The following ADAM2 variants were observed in gnomAD, a reference collection of about 807,000 sequenced individuals.
ADAM2 encodes the protein disintegrin and metalloproteinase domain-containing protein 2.
In ADAM2, 101 loss-of-function variants were observed where a neutral mutation model predicts 99.3. The ratio of observed to expected loss-of-function variants is 1.02; its 90% confidence interval spans 0.87 to 1.20. The LOEUF is 1.20. ADAM2 is among the 50% of genes most tolerant of loss of function. The pLI, the probability that ADAM2 is intolerant of heterozygous loss-of-function variation, is 0.00. For synonymous variants in ADAM2, 323 were observed against 287.6 expected, an observed-to-expected ratio of 1.12 and a Z score of -1.25; for missense variants, 948 against 878.7, an observed-to-expected ratio of 1.08 and a Z score of -1.00.
intron 15 of ADAM2, 92 bp downstream of exon 15, chr8:39,761,084 G>A: frequency 1.6e-6 from 1 of 640,854 alleles, no homozygotes; most frequent in Non-Finnish European, 2.5e-6. Flanking sequence ...ATGTTCAGGG[G>A]ATATTTTGCT....
chr8:39,838,176 C>T lies in ADAM2; in HGVS notation c.10G>A (p.Val4Ile), dbSNP rs769082387. Reference protein sequence around the residue: MWRVLFLLSGLGGL... With the variant: MWRILFLLSGLGGL... ...CCGAGCCCGCTGAGCAGAAACAAGA[C>T]GCGCCACATGGCTTGAAGTCCTGGG... is the stretch of plus-strand genomic sequence containing the variant. The change falls in exon 1 of 21, where the codon GTC becomes ATC. Residue 4 changes from valine to isoleucine, a missense_variant. Physicochemically the swap from Val to Ile is conservative, Grantham distance 29. Coordinates refer to ENST00000265708, the MANE Select transcript of ADAM2 (RefSeq NM_001464.5). 8 of 1,614,018 alleles carry T rather than the reference C, an allele frequency of 5.0e-6. No homozygotes were observed. Among genetic ancestry groups the T allele is most frequent in the African/African-American group, 1.3e-5 (1 of 74,910 alleles).
intron 12 of ADAM2, among the ~76,000 whole-genome samples, chr8:39,768,404 T>C (rs1307015794): frequency 6.6e-6 from 1 of 152,180 alleles, no homozygotes; most frequent in Non-Finnish European, 1.5e-5. Context: ...TACCATTCAC[T>C]ATGAGTTTCA....
At chr8:39,821,519 T>C in intron 5 of ADAM2, 67 bp downstream of exon 5, 1 of 1,244,444 alleles carries the variant, frequency 8.0e-7, no homozygotes, top group Non-Finnish European at 1.1e-6. Flanking sequence ...AATATTATGT[T>C]AAAATGTTTA....
chr8:39,837,625 T>G (rs982490409), intron 1 of ADAM2, among the ~76,000 whole-genome samples: 2 of 152,164 alleles, frequency 1.3e-5, no homozygotes, highest in Non-Finnish European at 2.9e-5. Flanking sequence ...GACCTCGTGA[T>G]ACGCCTTCCT....
chr8:39,838,182 A>G lies in ADAM2; in HGVS notation c.4T>C (p.Trp2Arg). 6.2e-7 allele frequency: 1 copy of G among 1,614,142 alleles called. No homozygotes were observed. The highest frequency in any genetic ancestry group is 8.5e-7 in the Non-Finnish European group (1 of 1,180,026). Residue 2 changes from tryptophan (W) to arginine (R), a missense_variant, in exon 1 of 21, where the codon TGG becomes CGG. Transcript: ENST00000265708. ...CCGCTGAGCAGAAACAAGACGCGCCACATGGCTTGAAGTCCTGGGTCCCAG... is the reference window on the plus strand; with the variant it reads ...CCGCTGAGCAGAAACAAGACGCGCCGCATGGCTTGAAGTCCTGGGTCCCAG... M[W>R]RVLFLLSGLG...
chr8:39,755,638 C>T, intron 16 of ADAM2, 90 bp downstream of exon 16: 1 of 944,444 alleles, frequency 1.1e-6, no homozygotes, highest in Non-Finnish European at 1.6e-6. Flanking sequence ...CACACCACTG[C>T]ACTCTAGCCA....
intron 14 of ADAM2, among the ~76,000 whole-genome samples, chr8:39,766,017 A>G (rs1008220664): frequency 1.9e-4 from 29 of 152,178 alleles, no homozygotes; most frequent in African/African-American, 7.0e-4. Flanking sequence ...AATTTTGTAT[A>G]TAGTTTGCAC....
At chr8:39,815,020 T>G (rs1030069910) in intron 6 of ADAM2, among the ~76,000 whole-genome samples, 6 of 151,938 alleles carry the variant, frequency 3.9e-5, no homozygotes, top group Non-Finnish European at 1.5e-5. Context: ...TTCTAGGGAA[T>G]TTTTACTTTC....
chr8:39,784,396 G>C (rs1401718860), intron 10 of ADAM2, among the ~76,000 whole-genome samples: 1 of 152,034 alleles, frequency 6.6e-6, no homozygotes, highest in Non-Finnish European at 1.5e-5. Context: ...TGTTGTGATT[G>C]TTGAGATGGA....
intron 7 of ADAM2, among the ~76,000 whole-genome samples, chr8:39,795,006 T>C (rs1249506840): frequency 6.6e-6 from 1 of 152,132 alleles, no homozygotes; most frequent in Non-Finnish European, 1.5e-5. Context: ...AATAATTCAA[T>C]GATGAATAGC....
chr8:39,782,570 G>C (rs1229630936), intron 10 of ADAM2, among the ~76,000 whole-genome samples: 1 of 151,950 alleles, frequency 6.6e-6, no homozygotes, highest in Non-Finnish European at 1.5e-5. Context: ...CTATGCCAAT[G>C]GTTCAATGGT....
At chr8:39,822,539 G>A (rs985708057) in intron 4 of ADAM2, among the ~76,000 whole-genome samples, 6 of 148,236 alleles carry the variant, frequency 4.0e-5, no homozygotes, top group African/African-American at 1.3e-4. Context: ...ATATCTTCTT[G>A]TTCAATATTA....
chr8:39,810,339 A>T (rs1804642342), intron 6 of ADAM2, among the ~76,000 whole-genome samples: 1 of 152,184 alleles, frequency 6.6e-6, no homozygotes, highest in Non-Finnish European at 1.5e-5. Flanking sequence ...ATAATGGGCG[A>T]CTTTAACACC....
At chr8:39,769,125 A>G (rs1802679212) in intron 12 of ADAM2, among the ~76,000 whole-genome samples, 1 of 152,232 alleles carries the variant, frequency 6.6e-6, no homozygotes, top group Admixed American at 6.5e-5. Context: ...ACAATTTAAA[A>G]TTGTCAGCTA....
At chr8:39,746,701 A>C (rs1823480808) in intron 18 of ADAM2, 70 bp from the exon 19 acceptor site, 1 of 1,185,256 alleles carries the variant, frequency 8.4e-7, no homozygotes, top group Non-Finnish European at 1.2e-6. Flanking sequence ...TCTGTATTTT[A>C]CTACGTCTAC....
chr8:39,836,997 G>C lies in ADAM2; in HGVS notation c.132+139C>G, dbSNP rs1805850355. The C allele has an allele frequency of 8.4e-6, 5 of 593,414 alleles. No individual in the cohort carries two copies. The South Asian group carries it at 1.3e-4, about 15-fold the overall frequency. The allele number at this position is 593,414 out of a possible 1,614,324, so 36.8% of individuals were successfully genotyped here. On this transcript the variant is annotated intron_variant, in intron 2 of 20. Transcript: ENST00000265708. Reference sequence around the variant, plus strand: ...TGTTGATCCTGGTTCATTTTCAAAAGGGCTTTTCCATTCAGGGAAAATTTG... The same window carrying C: ...TGTTGATCCTGGTTCATTTTCAAAACGGCTTTTCCATTCAGGGAAAATTTG...
At chr8:39,791,608 A>G (rs1469698123) in intron 7 of ADAM2, among the ~76,000 whole-genome samples, 4 of 151,928 alleles carry the variant, frequency 2.6e-5, no homozygotes, top group Non-Finnish European at 4.4e-5. Flanking sequence ...TTCCTCTTGA[A>G]TTTCAGCTGT....
chr8:39,810,384 A>C (rs956747071), intron 6 of ADAM2, among the ~76,000 whole-genome samples: 34 of 152,314 alleles, frequency 2.2e-4, no homozygotes, highest in African/African-American at 8.2e-4. Flanking sequence ...AAGAGACAGA[A>C]CGTTAACAAG....
At chr8:39,758,599 T>C (rs141627904) in intron 15 of ADAM2, among the ~76,000 whole-genome samples, 197 of 151,658 alleles carry the variant, frequency 1.3e-3, no homozygotes, top group Middle Eastern at 0.01. Context: ...ATAGTAGACA[T>C]GCACACAGCT....
Sources: gnomAD v4.1 joint callset for allele counts (sites outside exome capture counted in the v4.1 genomes callset) on GRCh38, gnomAD v4.1.1 for gene constraint, MANE v1.5 for transcripts, NCBI Gene and HGNC (gene_info 2026-07-23, HGNC 2026-07-21) for gene names.